The following SH3PXD2A variants were observed in gnomAD, a reference collection of about 807,000 sequenced individuals.
SH3PXD2A encodes the protein SH3 and PX domains 2A.
SH3PXD2A carries 32 observed loss-of-function variants against 115.2 expected under a neutral mutation model. The ratio of observed to expected loss-of-function variants is 0.28; its 90% CI spans 0.21 to 0.37. SH3PXD2A has a LOEUF of 0.37. SH3PXD2A is among the 10% of genes least tolerant of loss of function. The pLI is 1.00. For missense variants in SH3PXD2A, 1,328 were observed against 1,498.7 expected, an observed-to-expected ratio of 0.89 and a Z score of 1.88; for synonymous variants, 610 against 629.1, an observed-to-expected ratio of 0.97 and a Z score of 0.45.
chr10:103,844,022 T>G (rs1392201392), intron 1 of SH3PXD2A, among the ~76,000 whole-genome samples: 1 of 152,218 alleles, frequency 6.6e-6, no homozygotes, highest in Non-Finnish European at 1.5e-5. Context: ...ACAAAAAACA[T>G]GAGGCTGCTT....
At chr10:103,852,928 C>A (rs1842909567) in intron 1 of SH3PXD2A, among the ~76,000 whole-genome samples, 1 of 152,226 alleles carries the variant, frequency 6.6e-6, no homozygotes, top group Non-Finnish European at 1.5e-5. Flanking sequence ...AGTTACTTTA[C>A]CCAATCTGGC....
chr10:103,738,120 C>T (rs1403602126), intron 3 of SH3PXD2A, among the ~76,000 whole-genome samples: 2 of 152,222 alleles, frequency 1.3e-5, no homozygotes, highest in Non-Finnish European at 2.9e-5. Flanking sequence ...AGCCAGAGGG[C>T]CGGGCCATCT....
Position 103,855,273 on chromosome 10 carries a change from C to G in SH3PXD2A, c.-7G>C. 1 of 1,506,222 alleles carries G rather than the reference C, an allele frequency of 6.6e-7. No individual in the cohort carries two copies. Among genetic ancestry groups the G allele is most frequent in the Non-Finnish European group, 8.9e-7 (1 of 1,124,780 alleles). 93.3% of individuals were successfully genotyped at this position (1,506,222 alleles called of 1,614,324 possible). On this transcript the variant is annotated 5_prime_UTR_variant, in exon 1 of 15. Transcript: ENST00000369774. Reference sequence around the variant, plus strand: ...GCACGCAGTAGGCGAGCATCTTCCCCCACAAAGCGAGTGGCGCCCCCGGCG... The same window carrying G: ...GCACGCAGTAGGCGAGCATCTTCCCGCACAAAGCGAGTGGCGCCCCCGGCG...
chr10:103,651,072 G>T (rs1035044422), intron 8 of SH3PXD2A, among the ~76,000 whole-genome samples: 1 of 152,234 alleles, frequency 6.6e-6, no homozygotes, highest in Non-Finnish European at 1.5e-5. Flanking sequence ...GGGTGCGGAA[G>T]GAGAGAGGGT....
chr10:103,741,719 G>T (rs1450677147), intron 3 of SH3PXD2A, among the ~76,000 whole-genome samples: 1 of 152,194 alleles, frequency 6.6e-6, no homozygotes, highest in African/African-American at 2.4e-5. Context: ...CAGACTGCAC[G>T]GTGCAAAGGC....
chr10:103,715,790 G>A (rs2038098484), intron 5 of SH3PXD2A, among the ~76,000 whole-genome samples: 2 of 152,218 alleles, frequency 1.3e-5, no homozygotes, highest in Non-Finnish European at 2.9e-5. Flanking sequence ...GGGATGTGGG[G>A]CTCCTGGAGG....
rs1438485328 is a variant in SH3PXD2A at position 103,598,074 on chromosome 10, G to A, written c.*3742C>T. On this transcript the variant is annotated 3_prime_UTR_variant, in exon 15 of 15. Coordinates refer to ENST00000369774, the MANE Select transcript of SH3PXD2A (RefSeq NM_001394015.1). ...AGGAAAGCAATGGATATAAATGCCT[G>A]TAAAATACGCTGCTCTAACATCTGA... 1.3e-5 allele frequency: 2 copies of A among 152,662 alleles called. No homozygotes were observed. Among genetic ancestry groups the A allele is most frequent in the Non-Finnish European group, 2.9e-5 (2 of 68,040 alleles). 9.5% of individuals were successfully genotyped at this position (152,662 alleles called of 1,614,324 possible).
intron 11 of SH3PXD2A, among the ~76,000 whole-genome samples, chr10:103,613,840 G>A (rs185091592): frequency 1.7e-3 from 256 of 152,332 alleles, no homozygotes; most frequent in Middle Eastern, 3.4e-3. Context: ...CATGCCAGAT[G>A]ACTGAATGGG....
intron 1 of SH3PXD2A, among the ~76,000 whole-genome samples, chr10:103,831,779 A>G (rs2039484782): frequency 6.6e-6 from 1 of 152,144 alleles, no homozygotes; most frequent in Non-Finnish European, 1.5e-5. Flanking sequence ...CAACACCCCA[A>G]AAAGAAACCT....
chr10:103,779,173 A>C (rs1404898029), intron 2 of SH3PXD2A, among the ~76,000 whole-genome samples: 1 of 152,124 alleles, frequency 6.6e-6, no homozygotes, highest in African/African-American at 2.4e-5. Context: ...GGTTCAAGCG[A>C]TTCTCCTGCC....
chr10:103,685,495 C>A (rs2037666292), intron 6 of SH3PXD2A, among the ~76,000 whole-genome samples: 3 of 152,162 alleles, frequency 2.0e-5, no homozygotes, highest in Non-Finnish European at 4.4e-5. Flanking sequence ...GGACACCCCA[C>A]CTTCCCCCTG....
intron 8 of SH3PXD2A, among the ~76,000 whole-genome samples, chr10:103,653,996 C>G (rs1226106970): frequency 2.6e-5 from 4 of 151,898 alleles, no homozygotes; most frequent in African/African-American, 9.7e-5. Context: ...GCAGCCCCAC[C>G]ACGCCCTGTA....
chr10:103,846,081 C>G (rs1842845804), intron 1 of SH3PXD2A, among the ~76,000 whole-genome samples: 1 of 152,268 alleles, frequency 6.6e-6, no homozygotes, highest in Non-Finnish European at 1.5e-5. Context: ...CCCACCCGCC[C>G]CACTGCATAA....
chr10:103,729,987 TCAGC>T (rs2038294776), intron 4 of SH3PXD2A, among the ~76,000 whole-genome samples: 1 of 152,166 alleles, frequency 6.6e-6, no homozygotes. Context: ...AGACCTCCAC[TCAGC>T]TATGGTGAGC....
Position 103,693,020 on chromosome 10 carries a change from T to C in SH3PXD2A, c.427+8A>G. On this transcript the variant is annotated splice_region_variant and intron_variant, in intron 6 of 14. Coordinates refer to ENST00000369774, the MANE Select transcript of SH3PXD2A (RefSeq NM_001394015.1). ...GGCTGAAGGGAAAACGCCCGGAGGC[T>C]CCCTTACCTGATTTCCTCTTGGAAC... The C allele has an allele frequency of 6.2e-7, 1 of 1,610,778 alleles. No individual in the cohort carries two copies. Among genetic ancestry groups the C allele is most frequent in the South Asian group, 1.1e-5 (1 of 90,984 alleles).
rs567410216 is a variant in SH3PXD2A, at chr10:103,795,135, C to T, written c.153+6147G>A. Among the ~76,000 whole-genome samples the T allele has an allele frequency of 3.4e-4, 52 of 152,276 alleles. 1 individual carries two copies. Among genetic ancestry groups the T allele is most frequent in the Admixed American group, 2.5e-3 (39 of 15,302 alleles). On this transcript the variant is annotated intron_variant, in intron 2 of 14. Transcript: ENST00000369774. ...CCAATACACAACCACTAGCCACGGC[C>T]GCCACTGAGTACTTGTGATCTAGCA...
intron 1 of SH3PXD2A, among the ~76,000 whole-genome samples, chr10:103,804,074 T>G (rs866488621): frequency 6.6e-6 from 1 of 152,074 alleles, no homozygotes; most frequent in African/African-American, 2.4e-5. Context: ...GGTTTTATCA[T>G]GCAAATGAAG....
intron 8 of SH3PXD2A, among the ~76,000 whole-genome samples, chr10:103,636,656 C>T (rs2036870505): frequency 6.6e-6 from 1 of 152,110 alleles, no homozygotes; most frequent in African/African-American, 2.4e-5. Context: ...GAATAATGAG[C>T]TCGTTAGGGC....
chr10:103,753,317 CAAAAAAAAAAAAAA>C (rs60364879), intron 3 of SH3PXD2A, among the ~76,000 whole-genome samples: 16 of 62,866 alleles, frequency 2.5e-4, no homozygotes, highest in Non-Finnish European at 4.6e-4. Flanking sequence ...CTGCCTCTAC[CAAAAAAAAAAAAAA>C]AAAAAAAAAA....
Sources: allele counts gnomAD v4.1 joint callset (sites outside exome capture counted in the v4.1 genomes callset), GRCh38; gene constraint gnomAD v4.1.1; transcripts MANE v1.5; gene names NCBI Gene and HGNC (gene_info 2026-07-23, HGNC 2026-07-21).